The following SYT9 variants were observed in gnomAD, a reference collection of about 807,000 sequenced individuals.
SYT9 encodes synaptotagmin-9.
In SYT9, 22 loss-of-function variants were observed where a neutral mutation model predicts 48.4. The observed-to-expected ratio is 0.45, with a 90% CI of 0.32 to 0.65. The LOEUF (loss-of-function observed/expected upper bound fraction) is 0.65. SYT9 is among the 30% of genes least tolerant of loss of function. The probability of loss-of-function intolerance (pLI) is 0.03; values close to 1 mark genes in which losing one functional copy is unlikely to be tolerated. For missense variants in SYT9, 577 were observed against 622.0 expected, an observed-to-expected ratio of 0.93 and a Z score of 0.77; for synonymous variants, 265 against 245.0, an observed-to-expected ratio of 1.08 and a Z score of -0.76.
chr11:7,399,546 C>G (rs868361754), intron 3 of SYT9, among the ~76,000 whole-genome samples: 2 of 152,212 alleles, frequency 1.3e-5, no homozygotes, highest in Non-Finnish European at 2.9e-5. Flanking sequence ...AAAGCATATG[C>G]TGACCATGAG....
intron 6 of SYT9, among the ~76,000 whole-genome samples, chr11:7,463,925 G>T (rs1049148266): frequency 2.6e-5 from 4 of 152,134 alleles, no homozygotes; most frequent in African/African-American, 9.7e-5. Context: ...CTATGACTTG[G>T]CCATTGGCAA....
chr11:7,241,793 G>A (rs960435552), intron 1 of SYT9, among the ~76,000 whole-genome samples: 2 of 152,314 alleles, frequency 1.3e-5, no homozygotes, highest in East Asian at 1.9e-4. Context: ...CAGGGGGATC[G>A]TAAGAGTCTG....
At chr11:7,337,989 C>T (rs1043426520) in intron 3 of SYT9, among the ~76,000 whole-genome samples, 3 of 152,114 alleles carry the variant, frequency 2.0e-5, no homozygotes, top group African/African-American at 7.2e-5. Context: ...TCTCTCTGTC[C>T]CTGCACTTGT....
intron 3 of SYT9, among the ~76,000 whole-genome samples, chr11:7,357,614 A>G (rs1397230108): frequency 6.6e-6 from 1 of 152,054 alleles, no homozygotes; most frequent in Admixed American, 6.6e-5. Flanking sequence ...TTTATATTCC[A>G]TCAATTGCAT....
At chr11:7,380,615 G>A (rs936690302) in intron 3 of SYT9, among the ~76,000 whole-genome samples, 24 of 151,702 alleles carry the variant, frequency 1.6e-4, no homozygotes, top group Non-Finnish European at 2.7e-4. Flanking sequence ...TATATAAGTA[G>A]CACAGCAAAA....
intron 1 of SYT9, among the ~76,000 whole-genome samples, chr11:7,280,093 A>G (rs1190396054): frequency 6.6e-6 from 1 of 152,278 alleles, no homozygotes; most frequent in Non-Finnish European, 1.5e-5. Flanking sequence ...CTAATTCTCC[A>G]GAATAGAAAA....
chr11:7,361,574 C>T (rs1230370660), intron 3 of SYT9, among the ~76,000 whole-genome samples: 5 of 152,144 alleles, frequency 3.3e-5, no homozygotes, highest in Non-Finnish European at 5.9e-5. Flanking sequence ...TTCAAATAAT[C>T]GATATTATTA....
chr11:7,349,026 A>G (rs1179210930), intron 3 of SYT9, among the ~76,000 whole-genome samples: 1 of 151,982 alleles, frequency 6.6e-6, no homozygotes, highest in African/African-American at 2.4e-5. Context: ...CCACACATCC[A>G]GATGTGCTTT....
chr11:7,385,321 T>G (rs1850636054), intron 3 of SYT9, among the ~76,000 whole-genome samples: 1 of 148,818 alleles, frequency 6.7e-6, no homozygotes, highest in African/African-American at 2.5e-5. Context: ...AGGAATGAAC[T>G]ATATTGTTTT....
At chr11:7,347,355 C>T (rs1849817980) in intron 3 of SYT9, among the ~76,000 whole-genome samples, 1 of 152,170 alleles carries the variant, frequency 6.6e-6, no homozygotes, top group Non-Finnish European at 1.5e-5. Context: ...CCTCAGCCTC[C>T]CAAGTAGCTG....
At chr11:7,251,300 G>C (rs568120977), upstream of SYT9, among the ~76,000 whole-genome samples, 69 of 4,738 alleles carry the variant, frequency 0.015, no homozygotes, top group Non-Finnish European at 0.34. Context: ...CGGTTGCTTA[G>C]AAAACTAAGG....
intron 3 of SYT9, among the ~76,000 whole-genome samples, chr11:7,324,919 T>A (rs1045674195): frequency 7.9e-5 from 12 of 152,116 alleles, no homozygotes; most frequent in African/African-American, 2.9e-4. Flanking sequence ...ATAAAATGTG[T>A]TTTTCATCTC....
chr11:7,429,478 C>A lies in SYT9; in HGVS notation c.1467+8843C>A, dbSNP rs576345034. Among the ~76,000 whole-genome samples, 239 of 152,290 alleles carry A rather than the reference C, an allele frequency of 1.6e-3. 1 individual carries two copies. The highest frequency in any genetic ancestry group is 2.5e-3 in the South Asian group (12 of 4,822). On this transcript the variant is annotated intron_variant, in intron 6 of 6. Coordinates refer to ENST00000318881, the MANE Select transcript of SYT9 (RefSeq NM_175733.4). ...AGATTCTCAGTCATGTGGTTGAGCT[C>A]CTAAATCAAACCTCTCCCAAACATA...
Position 7,432,585 on chromosome 11 carries a change from ATATATACATATATATAT to A in SYT9, c.1467+11951_1467+11967del, listed in dbSNP as rs1847623259. On this transcript the variant is annotated intron_variant, in intron 6 of 6. Coordinates refer to ENST00000318881, the MANE Select transcript of SYT9 (RefSeq NM_175733.4). Reference sequence around the variant, plus strand: ...AAAAAAAAAAAAAAAAAAAAAAAATATATATACATATATATATATATATATATATATATATATATATA... The same window carrying A: ...AAAAAAAAAAAAAAAAAAAAAAAATAATATATATATATATATATATATATA... Among the ~76,000 whole-genome samples, 10 of 2,652 alleles carry A rather than the reference ATATATACATATATATAT, an allele frequency of 3.8e-3. 2 individuals carry two copies. The highest frequency in any genetic ancestry group is 5.0e-3 in the Admixed American group (1 of 200). 1.7% of individuals were successfully genotyped at this position (2,652 alleles called of 152,430 possible). A position where few individuals can be genotyped will look rare whatever the true frequency, so the allele number is the denominator to read the frequency against.
intron 6 of SYT9, among the ~76,000 whole-genome samples, chr11:7,442,926 TGGCG>T (rs1847854474): frequency 6.6e-6 from 1 of 151,936 alleles, no homozygotes; most frequent in South Asian, 2.1e-4. Flanking sequence ...TAAAAACACA[TGGCG>T]CCTGCCTTCC....
At chr11:7,280,539 G>A (rs1265136978) in intron 1 of SYT9, among the ~76,000 whole-genome samples, 8 of 152,162 alleles carry the variant, frequency 5.3e-5, no homozygotes, top group African/African-American at 9.7e-5. Flanking sequence ...CAGCACTATC[G>A]TAAGACTTTC....
At chr11:7,291,211 G>T (rs1034111365) in intron 1 of SYT9, among the ~76,000 whole-genome samples, 22 of 152,174 alleles carry the variant, frequency 1.4e-4, no homozygotes, top group African/African-American at 5.3e-4. Context: ...ATGTAGGTCA[G>T]CCTCACAGAG....
At chr11:7,382,315 T>C (rs11041339) in intron 3 of SYT9, among the ~76,000 whole-genome samples, 27,019 of 152,162 alleles carry the variant, frequency 0.18, 2,451 homozygotes, top group Middle Eastern at 0.31. Flanking sequence ...AAATTCTAGA[T>C]ATTTTTGGAA....
chr11:7,426,126 A>G (rs1401345606), intron 6 of SYT9, among the ~76,000 whole-genome samples: 1 of 152,024 alleles, frequency 6.6e-6, no homozygotes, highest in Non-Finnish European at 1.5e-5. Context: ...TCCTCTTCCT[A>G]GGAGTCTCCT....
Sources: allele counts gnomAD v4.1 joint callset (sites outside exome capture counted in the v4.1 genomes callset), GRCh38; gene constraint gnomAD v4.1.1; transcripts MANE v1.5; gene names NCBI Gene and HGNC (gene_info 2026-07-23, HGNC 2026-07-21).